RASGEF1A: variants seen among roughly 807,000 people sequenced by gnomAD.
RASGEF1A encodes ras-GEF domain-containing family member 1A.
A neutral mutation model predicts 56.4 loss-of-function variants in RASGEF1A; 18 were observed. The ratio of observed to expected loss-of-function variants is 0.32; its 90% CI spans 0.22 to 0.47. The LOEUF (loss-of-function observed/expected upper bound fraction) is 0.47. RASGEF1A is among the 20% of genes least tolerant of loss of function. The pLI is 1.00. For synonymous variants in RASGEF1A, 245 were observed against 242.6 expected (o/e 1.01, Z -0.09); for missense variants, 422 against 627.1 (o/e 0.67, Z 3.49).
intron 1 of RASGEF1A, among the ~76,000 whole-genome samples, chr10:43,230,391 G>A (rs1308407541): frequency 3.3e-5 from 5 of 152,190 alleles, no homozygotes; most frequent in Non-Finnish European, 4.4e-5. Flanking sequence ...CGCCCCCAGA[G>A]CCCCAGCCTC....
In RASGEF1A at chr10:43,202,896, C is replaced by T. The variant is rs529952308; in HGVS notation, c.321+402G>A. The stretch of plus-strand genomic sequence containing the variant: ...CGCCCCAACCCTAGCCCTGACCCCG[C>T]CCCCAGGCCCCACCAGCCCAGCCAG... On this transcript the variant is annotated intron_variant, in intron 3 of 12. Coordinates refer to ENST00000395810, the MANE Select transcript of RASGEF1A (RefSeq NM_145313.4). Among the ~76,000 whole-genome samples, 1,371 of 146,856 alleles carry T rather than the reference C, an allele frequency of 9.3e-3. 29 individuals are homozygous for T. Among genetic ancestry groups the T allele is most frequent in the African/African-American group, 0.033 (1,286 of 39,430 alleles).
chr10:43,247,892 T>A (rs1347405219), intron 1 of RASGEF1A, among the ~76,000 whole-genome samples: 1 of 151,766 alleles, frequency 6.6e-6, no homozygotes, highest in African/African-American at 2.4e-5. Context: ...TGAAACCCCG[T>A]CTCTACTAAA....
intron 1 of RASGEF1A, among the ~76,000 whole-genome samples, chr10:43,240,969 TC>T (rs1461876815): frequency 6.6e-6 from 1 of 152,190 alleles, no homozygotes; most frequent in African/African-American, 2.4e-5. Context: ...AACCATGAAT[TC>T]TTTATGCAGC....
At chr10:43,202,680 C>G (rs1738852973) in intron 3 of RASGEF1A, 1 of 465,540 alleles carries the variant, frequency 2.1e-6, no homozygotes, top group Non-Finnish European at 4.4e-6. Context: ...AACTCTGCAG[C>G]TTTCTTCGCC....
At chr10:43,251,868 C>G (rs1279829998) in intron 1 of RASGEF1A, among the ~76,000 whole-genome samples, 1 of 152,214 alleles carries the variant, frequency 6.6e-6, no homozygotes, top group African/African-American at 2.4e-5. Context: ...AGTACCAGTT[C>G]TCTCCTTGCT....
intron 1 of RASGEF1A, among the ~76,000 whole-genome samples, chr10:43,237,335 T>C (rs1840442777): frequency 6.6e-6 from 1 of 151,912 alleles, no homozygotes; most frequent in Admixed American, 6.5e-5. Context: ...CCTAGTCTGT[T>C]CTCCTGCTTC....
chr10:43,228,151 T>C, intron 1 of RASGEF1A, among the ~76,000 whole-genome samples: 1 of 152,136 alleles, frequency 6.6e-6, no homozygotes. Flanking sequence ...CCTCTTGGGC[T>C]CTGCTCCTGA....
Position 43,199,560 on chromosome 10 carries a change from C to T in RASGEF1A, c.849+116G>A. On this transcript the variant is annotated intron_variant, in intron 7 of 12. Coordinates refer to ENST00000395810, the MANE Select transcript of RASGEF1A (RefSeq NM_145313.4). Reference sequence around the variant, plus strand: ...GACCACCAAGGCCCTGACAATGCAACAGGGACTTTGTGCATTCACTCTTAA... The same window carrying T: ...GACCACCAAGGCCCTGACAATGCAATAGGGACTTTGTGCATTCACTCTTAA... 3.7e-6 allele frequency: 3 copies of T among 820,808 alleles called. No individual in the cohort carries two copies. The Admixed American group carries it at 6.1e-5, about 17-fold the overall frequency. 50.8% of individuals were successfully genotyped at this position (820,808 alleles called of 1,614,324 possible).
chr10:43,263,975 C>T (rs945105892), intron 1 of RASGEF1A, among the ~76,000 whole-genome samples: 3 of 152,112 alleles, frequency 2.0e-5, no homozygotes, highest in Non-Finnish European at 2.9e-5. Flanking sequence ...TCACCCCTCA[C>T]AGCCCTCTGT....
At chr10:43,240,691 A>C (rs1364570959) in intron 1 of RASGEF1A, among the ~76,000 whole-genome samples, 4 of 152,194 alleles carry the variant, frequency 2.6e-5, no homozygotes, top group African/African-American at 9.6e-5. Flanking sequence ...GAAAGAAAAA[A>C]GAAAGGAACA....
intron 1 of RASGEF1A, among the ~76,000 whole-genome samples, chr10:43,228,626 T>C (rs1564536923): frequency 6.6e-6 from 1 of 152,168 alleles, no homozygotes; most frequent in African/African-American, 2.4e-5. Context: ...TGGGGGCTGC[T>C]CTATCGCTGC....
chr10:43,225,655 G>A (rs1284496254), intron 1 of RASGEF1A, among the ~76,000 whole-genome samples: 2 of 152,012 alleles, frequency 1.3e-5, no homozygotes, highest in Non-Finnish European at 2.9e-5. Flanking sequence ...GGAACACGAT[G>A]TCCACAGTGG....
Position 43,220,784 on chromosome 10 carries a change from T to TAA in RASGEF1A, c.-6-14664_-6-14663dup, listed in dbSNP as rs61258525. 3.2e-4 allele frequency among the ~76,000 whole-genome samples: 44 copies of TAA among 138,836 alleles called. 2 individuals carry two copies. The South Asian group carries it at 6.5e-3, about 20-fold the overall frequency. 91.1% of individuals were successfully genotyped at this position (138,836 alleles called of 152,430 possible). A position where few individuals can be genotyped will look rare whatever the true frequency, so the allele number is the denominator to read the frequency against. ...TGTGTGACAGAACAAGACTCTGTCT[T>TAA]AAAAAAAAAAAAGGGGGGGGAGTAC... On this transcript the variant is annotated intron_variant, in intron 1 of 12. Coordinates refer to ENST00000395810, the MANE Select transcript of RASGEF1A (RefSeq NM_145313.4).
At chr10:43,224,239 G>T (rs1840244718) in intron 1 of RASGEF1A, among the ~76,000 whole-genome samples, 1 of 152,114 alleles carries the variant, frequency 6.6e-6, no homozygotes, top group South Asian at 2.1e-4. Flanking sequence ...ATATTGAAAA[G>T]CCTTCCTATT....
intron 1 of RASGEF1A, among the ~76,000 whole-genome samples, chr10:43,221,362 G>T (rs1840204924): frequency 6.6e-6 from 1 of 152,228 alleles, no homozygotes; most frequent in South Asian, 2.1e-4. Flanking sequence ...CCACCAGGCT[G>T]ATTCGAACCT....
intron 1 of RASGEF1A, chr10:43,206,693 CACGT>C (rs1840001224): frequency 1.0e-6 from 1 of 986,938 alleles, no homozygotes; most frequent in Non-Finnish European, 1.2e-6. Flanking sequence ...CGGTGGCTGC[CACGT>C]GGATGGTGGG....
chr10:43,203,655 G>A, intron 2 of RASGEF1A: 6 of 1,214,924 alleles, frequency 4.9e-6, no homozygotes, highest in Non-Finnish European at 4.2e-6. Context: ...AGCTCTCCCA[G>A]GCCTCCTAGC....
chr10:43,201,002 G>A, intron 4 of RASGEF1A, 114 bp from the exon 5 acceptor site: 1 of 936,760 alleles, frequency 1.1e-6, no homozygotes, highest in Non-Finnish European at 1.6e-6. Context: ...TGAGCCCACA[G>A]CCCCTATCTA....
Position 43,202,393 on chromosome 10 carries a change from G to A in RASGEF1A, c.322-448C>T, listed in dbSNP as rs570781185. ...ACGCGCTCCCGCGCCCTAGTCCACA[G>A]GCATGCACGACCCCACCCAGCACAG... On this transcript the variant is annotated intron_variant, in intron 3 of 12. Coordinates refer to ENST00000395810, the MANE Select transcript of RASGEF1A (RefSeq NM_145313.4). Among the ~76,000 whole-genome samples, 33 of 152,266 alleles carry A rather than the reference G, an allele frequency of 2.2e-4. No homozygotes were observed. In the East Asian group the frequency reaches 5.8e-3, roughly 27 times the overall value.
Sources: allele counts gnomAD v4.1 joint callset (sites outside exome capture counted in the v4.1 genomes callset), GRCh38; gene constraint gnomAD v4.1.1; transcripts MANE v1.5; gene names NCBI Gene and HGNC (gene_info 2026-07-23, HGNC 2026-07-21).